Variants in KCNH5 observed in about 807,000 individuals in gnomAD.
The protein encoded by KCNH5 is potassium voltage-gated channel subfamily H member 5, also known as voltage-gated delayed rectifier potassium channel KCNH5.
KCNH5 carries 46 observed loss-of-function variants against 96.1 expected under a neutral mutation model. The ratio of observed to expected loss-of-function variants is 0.48; its 90% CI spans 0.38 to 0.61. KCNH5 has a LOEUF of 0.61. Ranked by LOEUF, KCNH5 falls within the 20% of genes least tolerant of loss-of-function variation. The pLI, the probability that KCNH5 is intolerant of heterozygous loss-of-function variation, is 0.00. For synonymous variants in KCNH5, 439 were observed against 449.8 expected, an observed-to-expected ratio of 0.98 and a Z score of 0.30; for missense variants, 907 against 1,225.8, an observed-to-expected ratio of 0.74 and a Z score of 3.88.
intron 6 of KCNH5, among the ~76,000 whole-genome samples, chr14:62,958,776 C>A (rs547458359): frequency 6.6e-6 from 1 of 152,262 alleles, no homozygotes; most frequent in Non-Finnish European, 1.5e-5. Context: ...CTGCTCAAGA[C>A]AGTTATACAG....
chr14:62,724,129 T>C (rs979735557), intron 10 of KCNH5, among the ~76,000 whole-genome samples: 2 of 152,226 alleles, frequency 1.3e-5, no homozygotes, highest in African/African-American at 4.8e-5. Context: ...CCATGTATAC[T>C]AATTTATGTT....
At chr14:62,878,755 A>C (rs919510048) in intron 7 of KCNH5, among the ~76,000 whole-genome samples, 10 of 152,114 alleles carry the variant, frequency 6.6e-5, no homozygotes, top group African/African-American at 2.4e-4. Context: ...TGGATGCTAA[A>C]AGTTCAAGCT....
At position 62,926,679 on chromosome 14, in the gene KCNH5, G is replaced by A. The variant is rs34197106; in HGVS notation, c.1369+23454C>T. ...CTGTGTCTTCATATGGTGGAAGAGA[G>A]TCCTGTTGTCTCTCCCTCTTCTTAT... On this transcript the variant is annotated intron_variant, in intron 7 of 10. Transcript: ENST00000322893. Among the ~76,000 whole-genome samples the A allele has an allele frequency of 5.0e-3, 758 of 152,216 alleles. 4 individuals carry two copies. The highest frequency in any genetic ancestry group is 7.9e-3 in the Non-Finnish European group (537 of 67,988).
intron 1 of KCNH5, among the ~76,000 whole-genome samples, chr14:63,042,052 T>C (rs1891834581): frequency 6.6e-6 from 1 of 152,134 alleles, no homozygotes. Context: ...AGTTCATTGG[T>C]GATACCCATG....
intron 8 of KCNH5, among the ~76,000 whole-genome samples, chr14:62,826,389 T>C (rs1460402367): frequency 7.2e-6 from 1 of 139,564 alleles, no homozygotes; most frequent in Admixed American, 7.6e-5. Context: ...ATTTTGTGTG[T>C]GTGTGTGTGC....
At chr14:62,814,586 C>G (rs1031032993) in intron 8 of KCNH5, among the ~76,000 whole-genome samples, 1 of 151,780 alleles carries the variant, frequency 6.6e-6, no homozygotes, top group Non-Finnish European at 1.5e-5. Context: ...AGCTTGAGAC[C>G]AGCCTGGCCA....
chr14:62,891,787 TATC>T (rs1029412200), intron 7 of KCNH5, among the ~76,000 whole-genome samples: 2 of 152,262 alleles, frequency 1.3e-5, no homozygotes, highest in Non-Finnish European at 2.9e-5. Flanking sequence ...TTTTCATTAT[TATC>T]ATATTTTTAT....
At chr14:62,764,718 C>A (rs1013964989) in intron 10 of KCNH5, among the ~76,000 whole-genome samples, 1 of 152,140 alleles carries the variant, frequency 6.6e-6, no homozygotes, top group Non-Finnish European at 1.5e-5. Flanking sequence ...TTTCTATATA[C>A]CAACAATGTC....
At chr14:62,807,981 C>T (rs1038149367) in intron 8 of KCNH5, among the ~76,000 whole-genome samples, 1 of 152,132 alleles carries the variant, frequency 6.6e-6, no homozygotes, top group Non-Finnish European at 1.5e-5. Flanking sequence ...AGTCATGCCC[C>T]CTAGCTATGC....
chr14:62,868,120 G>C lies in KCNH5; in HGVS notation c.1370-18268C>G, dbSNP rs576029133. On this transcript the variant is annotated intron_variant, in intron 7 of 10. Transcript: ENST00000322893. ...ATGAACAAATCAATCATTGAGTGAG[G>C]GGGTAAATCCTGACCCTCTATGCCT... Among the ~76,000 whole-genome samples, 141 of 152,334 alleles carry C rather than the reference G, an allele frequency of 9.3e-4. No individual in the cohort carries two copies. The Middle Eastern group carries it at 0.01, about 11-fold the overall frequency.
intron 1 of KCNH5, among the ~76,000 whole-genome samples, chr14:63,041,974 A>T (rs1200364029): frequency 2.6e-5 from 4 of 152,108 alleles, no homozygotes. Context: ...AATATGCCAC[A>T]CTTCTTGCTT....
chr14:62,858,895 C>T (rs550394336), intron 7 of KCNH5, among the ~76,000 whole-genome samples: 12 of 152,258 alleles, frequency 7.9e-5, no homozygotes, highest in African/African-American at 2.4e-4. Flanking sequence ...ACCATTCCAC[C>T]ATTCTATTCA....
intron 7 of KCNH5, 150 bp from the exon 8 acceptor site, chr14:62,850,002 C>T: frequency 1.6e-6 from 1 of 630,576 alleles, no homozygotes; most frequent in South Asian, 2.0e-5. Context: ...TGCCTGACAC[C>T]TGGTATTCAC....
chr14:63,019,364 T>C (rs1469412901), intron 1 of KCNH5, among the ~76,000 whole-genome samples: 2 of 151,780 alleles, frequency 1.3e-5, no homozygotes, highest in East Asian at 3.9e-4. Context: ...TTTGTGAAAA[T>C]GCAAATTAAA....
intron 4 of KCNH5, among the ~76,000 whole-genome samples, chr14:62,992,655 C>G (rs1474308686): frequency 1.3e-5 from 2 of 152,010 alleles, no homozygotes; most frequent in Non-Finnish European, 2.9e-5. Flanking sequence ...CCTTTGCCCA[C>G]TTTTTAATGG....
At chr14:62,951,962 C>CAAAAAAAA (rs36114434) in intron 6 of KCNH5, among the ~76,000 whole-genome samples, 3 of 105,486 alleles carry the variant, frequency 2.8e-5, no homozygotes, top group Non-Finnish European at 5.3e-5. Context: ...GACTCCGTCT[C>CAAAAAAAA]AAAAAAAAAA....
chr14:62,766,319 C>G (rs1316476141), intron 10 of KCNH5, among the ~76,000 whole-genome samples: 1 of 152,140 alleles, frequency 6.6e-6, no homozygotes, highest in African/African-American at 2.4e-5. Context: ...AGCAATCCCA[C>G]TGCTGGGTAT....
chr14:62,935,712 G>C (rs1041640946), intron 7 of KCNH5, among the ~76,000 whole-genome samples: 1 of 152,132 alleles, frequency 6.6e-6, no homozygotes, highest in African/African-American at 2.4e-5. Context: ...TTGAGACACT[G>C]TGCCAGTTTA....
intron 5 of KCNH5, 35 bp from the exon 6 acceptor site, chr14:62,981,299 G>A (rs367768727): frequency 3.4e-5 from 54 of 1,597,342 alleles, no homozygotes; most frequent in Non-Finnish European, 4.5e-5. Flanking sequence ...ACATGACTAG[G>A]TTATCTCTGC....
Sources: allele counts gnomAD v4.1 joint callset (sites outside exome capture counted in the v4.1 genomes callset), GRCh38; gene constraint gnomAD v4.1.1; transcripts MANE v1.5; gene names NCBI Gene and HGNC (gene_info 2026-07-23, HGNC 2026-07-21).